The following ARIH1 variants were observed in gnomAD, a reference collection of about 807,000 sequenced individuals.
The protein encoded by ARIH1 is E3 ubiquitin-protein ligase ARIH1.
ARIH1 carries 8 observed loss-of-function variants against 85.0 expected under a neutral mutation model. The ratio of observed to expected loss-of-function variants is 0.09; its 90% confidence interval spans 0.06 to 0.17. The LOEUF (loss-of-function observed/expected upper bound fraction) is 0.17. Among genes scored for constraint, ARIH1 ranks in the 10% least tolerant of loss-of-function variants. ARIH1 has a pLI of 1.00. For synonymous variants in ARIH1, 238 were observed against 253.6 expected (o/e 0.94, Z 0.59); for missense variants, 311 against 718.1 (o/e 0.43, Z 6.48).
chr15:72,482,257 T>A (rs1376010172), intron 1 of ARIH1, among the ~76,000 whole-genome samples: 2 of 152,206 alleles, frequency 1.3e-5, no homozygotes, highest in Non-Finnish European at 2.9e-5. Context: ...TTTATTAGTA[T>A]GCTGGAAGAG....
At chr15:72,542,377 C>T (rs916426462) in intron 2 of ARIH1, among the ~76,000 whole-genome samples, 22 of 152,264 alleles carry the variant, frequency 1.4e-4, no homozygotes, top group African/African-American at 5.3e-4. Flanking sequence ...TTCCTCTTTG[C>T]ATACTGAACT....
At chr15:72,519,986 A>C (rs2063992451) in intron 2 of ARIH1, among the ~76,000 whole-genome samples, 1 of 152,172 alleles carries the variant, frequency 6.6e-6, no homozygotes, top group African/African-American at 2.4e-5. Context: ...ATCCTATAAC[A>C]CTGCTGAAAA....
chr15:72,474,847 G>A lies in ARIH1; in HGVS notation c.208G>A (p.Gly70Ser). Residue 70 changes from glycine (G) to serine (S), a missense_variant, in exon 1 of 14, where the codon GGC (glycine) becomes AGC (serine). Physicochemically the swap from Gly to Ser is moderately conservative, Grantham distance 56. This residue lies in a region of ARIH1 where 157 missense variants were observed against 185.1 expected (regional missense o/e 0.85). Coordinates refer to ENST00000379887, the MANE Select transcript of ARIH1 (RefSeq NM_005744.5). ...GCTGTGCGGGGAGACGGGCGGTGGC[G>A]GCGGCAGCGCTCTGGGGCCCGGCGG... ...GLLCGETGGG[G>S]GSALGPGGGG... 7.3e-7 allele frequency: 1 copy of A among 1,373,622 alleles called. No individual in the cohort carries two copies. Among genetic ancestry groups the A allele is most frequent in the Admixed American group, 3.3e-5 (1 of 30,438 alleles). 85.1% of individuals were successfully genotyped at this position (1,373,622 alleles called of 1,614,324 possible).
intron 2 of ARIH1, among the ~76,000 whole-genome samples, chr15:72,525,629 CTGAT>C (rs2064024065): frequency 6.6e-6 from 1 of 152,060 alleles, no homozygotes; most frequent in Admixed American, 6.5e-5. Flanking sequence ...GAAGAATCGA[CTGAT>C]TAACTATTAA....
Position 72,599,419 on chromosome 15 carries a change from C to G in ARIH1, c.*16127C>G, listed in dbSNP as rs1482870494. 1.3e-5 allele frequency: 2 copies of G among 152,176 alleles called. No homozygotes were observed. Among genetic ancestry groups the G allele is most frequent in the Admixed American group, 1.3e-4 (2 of 15,274 alleles). The allele number at this position is 152,176 out of a possible 1,614,324, so 9.4% of individuals were successfully genotyped here. On this transcript the variant is annotated 3_prime_UTR_variant, in exon 14 of 14. Coordinates refer to ENST00000379887, the MANE Select transcript of ARIH1 (RefSeq NM_005744.5). ...GCAACACCTTCCCATCTTAACTCCC[C>G]TAGTGCCTCTACTCCCTCCACAGAG... is the stretch of plus-strand genomic sequence containing the variant.
chr15:72,498,111 G>A (rs976432886), intron 1 of ARIH1, among the ~76,000 whole-genome samples: 1 of 152,108 alleles, frequency 6.6e-6, no homozygotes, highest in African/African-American at 2.4e-5. Context: ...CCACTAAATA[G>A]ATCACAAAAG....
At chr15:72,511,079 A>T (rs1426419353) in intron 1 of ARIH1, among the ~76,000 whole-genome samples, 1 of 152,084 alleles carries the variant, frequency 6.6e-6, no homozygotes, top group Non-Finnish European at 1.5e-5. Flanking sequence ...TAACATTTTA[A>T]TTATGTTGTT....
chr15:72,555,589 T>G (rs2064171608), intron 4 of ARIH1, among the ~76,000 whole-genome samples: 1 of 152,256 alleles, frequency 6.6e-6, no homozygotes, highest in Admixed American at 6.5e-5. Context: ...TATGTTAACT[T>G]AAACTTGTTG....
At chr15:72,514,760 C>T (rs1246414384) in intron 1 of ARIH1, among the ~76,000 whole-genome samples, 1 of 151,708 alleles carries the variant, frequency 6.6e-6, no homozygotes, top group African/African-American at 2.4e-5. Flanking sequence ...AATCCCAGCA[C>T]TTTGGGAGGC....
intron 5 of ARIH1, 21 bp downstream of exon 5, chr15:72,555,928 C>G (rs760842565): frequency 3.1e-6 from 5 of 1,599,924 alleles, no homozygotes; most frequent in Non-Finnish European, 3.4e-6. Context: ...TTGATAGATT[C>G]TGCATGTGAA....
chr15:72,506,691 G>T (rs16957034), intron 1 of ARIH1, among the ~76,000 whole-genome samples: 1 of 152,096 alleles, frequency 6.6e-6, no homozygotes, highest in Non-Finnish European at 1.5e-5. Context: ...GCAAACATGA[G>T]CCCATGCTTC....
In ARIH1 at chr15:72,588,416, A is replaced by G; in HGVS notation, c.*5124A>G. 6.6e-6 allele frequency: 1 copy of G among 152,182 alleles called. No homozygotes were observed. The highest frequency in any genetic ancestry group is 1.9e-4 in the East Asian group (1 of 5,204). The allele number at this position is 152,182 out of a possible 1,614,324, so 9.4% of individuals were successfully genotyped here. Reference sequence around the variant, plus strand: ...AATATTAGTGCCTGAGTGTTACTTTATGGAGATTATGATTTAATTGCTTTG... The same window carrying G: ...AATATTAGTGCCTGAGTGTTACTTTGTGGAGATTATGATTTAATTGCTTTG... On this transcript the variant is annotated 3_prime_UTR_variant, in exon 14 of 14. Transcript: ENST00000379887.
intron 9 of ARIH1, among the ~76,000 whole-genome samples, chr15:72,569,414 G>A (rs1458407653): frequency 6.6e-6 from 1 of 152,190 alleles, no homozygotes; most frequent in Non-Finnish European, 1.5e-5. Context: ...TGGTTATTTG[G>A]TAGGAGAAAG....
At chr15:72,480,183 C>T (rs2063810433) in intron 1 of ARIH1, among the ~76,000 whole-genome samples, 1 of 151,742 alleles carries the variant, frequency 6.6e-6, no homozygotes, top group South Asian at 2.1e-4. Context: ...GTGTACTATT[C>T]TAGCATATTG....
intron 1 of ARIH1, among the ~76,000 whole-genome samples, chr15:72,502,886 G>A (rs2063909600): frequency 6.6e-6 from 1 of 152,144 alleles, no homozygotes; most frequent in Non-Finnish European, 1.5e-5. Context: ...CCTCTTTAAG[G>A]GGGAGTTCTC....
intron 10 of ARIH1, 145 bp from the exon 11 acceptor site, chr15:72,571,963 G>T: frequency 1.6e-6 from 1 of 609,640 alleles, no homozygotes; most frequent in Non-Finnish European, 2.9e-6. Context: ...TAGAACCCTG[G>T]GTGTTTTAAC....
chr15:72,572,534 CT>C (rs1445319189), intron 11 of ARIH1, among the ~76,000 whole-genome samples: 1 of 152,174 alleles, frequency 6.6e-6, no homozygotes, highest in Non-Finnish European at 1.5e-5. Context: ...TTGAGTAGAA[CT>C]TTTCAATTCT....
chr15:72,502,756 A>G (rs1354155797), intron 1 of ARIH1, among the ~76,000 whole-genome samples: 1 of 152,194 alleles, frequency 6.6e-6, no homozygotes, highest in East Asian at 1.9e-4. Flanking sequence ...CAGTGAGCCA[A>G]GATCTCGCCA....
chr15:72,584,080 C>T lies in ARIH1; in HGVS notation c.*788C>T, dbSNP rs1006101796. On this transcript the variant is annotated 3_prime_UTR_variant, in exon 14 of 14. Coordinates refer to ENST00000379887, the MANE Select transcript of ARIH1 (RefSeq NM_005744.5). ...GGTTGGGGTTGGGATAAAGGTGTGT[C>T]GGTTTAGCACCTCTGGAAGACCTAT... The T allele has an allele frequency of 1.3e-5, 2 of 152,102 alleles. No individual in the cohort carries two copies. Among genetic ancestry groups the T allele is most frequent in the Admixed American group, 6.5e-5 (1 of 15,268 alleles). 9.4% of individuals were successfully genotyped at this position (152,102 alleles called of 1,614,324 possible). A position where few individuals can be genotyped will look rare whatever the true frequency, so the allele number is the denominator to read the frequency against.
Sources: gnomAD v4.1 joint callset for allele counts (sites outside exome capture counted in the v4.1 genomes callset) on GRCh38, gnomAD v4.1.1 for gene constraint, gnomAD v4.1.1 regional missense constraint, MANE v1.5 for transcripts, NCBI Gene and HGNC (gene_info 2026-07-23, HGNC 2026-07-21) for gene names.